Variants in SLC34A2 observed in about 807,000 individuals in gnomAD.
SLC34A2 encodes sodium-dependent phosphate transport protein 2B.
Under a neutral mutation model 50.8 loss-of-function variants are expected in SLC34A2, and 41 were observed. The observed-to-expected ratio is 0.81, with a 90% confidence interval of 0.63 to 1.05. SLC34A2 has a LOEUF of 1.05. Among genes scored for constraint, SLC34A2 ranks in the 50% least tolerant of loss-of-function variants. The pLI is 0.00. For synonymous variants in SLC34A2, 401 were observed against 364.2 expected, an observed-to-expected ratio of 1.10 and a Z score of -1.15; for missense variants, 879 against 876.7, an observed-to-expected ratio of 1.00 and a Z score of -0.03.
At chr4:25,666,101 T>TTTTG (rs370555297) in intron 4 of SLC34A2, 27 bp from the exon 5 acceptor site, 19 of 1,610,846 alleles carry the variant, frequency 1.2e-5, no homozygotes, top group East Asian at 1.1e-4. Context: ...TTGTGATTGT[T>TTTTG]TTTGTTTGTT....
At chr4:25,673,511 C>T (rs1243201115) in intron 10 of SLC34A2, among the ~76,000 whole-genome samples, 5 of 152,086 alleles carry the variant, frequency 3.3e-5, no homozygotes, top group Non-Finnish European at 7.4e-5. Flanking sequence ...GTGAGTCAGG[C>T]CTTCCTTCTT....
chr4:25,670,901 G>A, intron 8 of SLC34A2, 68 bp downstream of exon 8: 3 of 1,282,872 alleles, frequency 2.3e-6, no homozygotes, highest in Non-Finnish European at 3.4e-6. Flanking sequence ...ACTAAATCTT[G>A]CCTTCAAGGA....
chr4:25,671,864 C>A, intron 9 of SLC34A2, 143 bp downstream of exon 9: 1 of 1,175,862 alleles, frequency 8.5e-7, no homozygotes, highest in Non-Finnish European at 1.3e-6. Context: ...GAGCAACATG[C>A]TTTCACAGCA....
At chr4:25,671,937 GGAACTT>G (rs1430000132) in intron 9 of SLC34A2, among the ~76,000 whole-genome samples, 1 of 152,180 alleles carries the variant, frequency 6.6e-6, no homozygotes, top group Non-Finnish European at 1.5e-5. Flanking sequence ...GGGCAGAACT[GGAACTT>G]GAAGTCCATT....
Position 25,667,873 on chromosome 4 carries a change from C to T in SLC34A2, c.524-7C>T. The T allele has an allele frequency of 6.3e-7, 1 of 1,596,010 alleles. No individual in the cohort carries two copies. ...AAGCTTGCTAATGGTACTTTTCCAT[C>T]CTCTAGTGCTCACTGTTCGGGCTGC... On this transcript the variant is annotated splice_region_variant and splice_polypyrimidine_tract_variant and intron_variant, in intron 5 of 12. Transcript: ENST00000382051.
In SLC34A2 at chr4:25,669,044, T is replaced by TC. The variant is rs1288368196; in HGVS notation, c.636-600dup. ...GGATGCAAAATGTTTTAGCCTTGTTTCCCATGGAAACTATTCATGTTTCAT... is the reference window on the plus strand; with the variant it reads ...GGATGCAAAATGTTTTAGCCTTGTTTCCCCATGGAAACTATTCATGTTTCAT... On this transcript the variant is annotated intron_variant, in intron 6 of 12. Coordinates refer to ENST00000382051, the MANE Select transcript of SLC34A2 (RefSeq NM_006424.3). Among the ~76,000 whole-genome samples, 11 of 152,282 alleles carry TC rather than the reference T, an allele frequency of 7.2e-5. 1 individual carries two copies. The highest frequency in any genetic ancestry group is 2.0e-4 in the Admixed American group (3 of 15,294).
Position 25,676,670 on chromosome 4 carries a change from T to G in SLC34A2, c.1994T>G (p.Phe665Cys). The change falls in exon 13 of 13, where the codon TTT (phenylalanine) becomes TGT (cysteine). Residue 665 changes from phenylalanine to cysteine, a missense_variant. By Grantham distance (205) the Phe-to-Cys change is radical (BLOSUM62 -2). Coordinates refer to ENST00000382051, the MANE Select transcript of SLC34A2 (RefSeq NM_006424.3). ...QDVPVKAPET[F>C]DNITISREAQ... is the part of the protein sequence containing the mutation. ...GTCCCTGTCAAGGCTCCTGAGACCT[T>G]TGATAACATAACCATTAGCAGAGAG... 1 of 1,614,202 alleles carries G rather than the reference T, an allele frequency of 6.2e-7. No homozygotes were observed. Among genetic ancestry groups the G allele is most frequent in the Non-Finnish European group, 8.5e-7 (1 of 1,180,030 alleles).
Position 25,674,642 on chromosome 4 carries a change from G to A in SLC34A2, c.1458+13G>A, listed in dbSNP as rs1310258501. The A allele has an allele frequency of 2.5e-6, 4 of 1,614,074 alleles. No individual in the cohort carries two copies. The Admixed American group carries it at 6.7e-5, about 27-fold the overall frequency. ...GAGTTCACTCCAGGTCAGGACTTGG[G>A]GCACGGGGACAGGGGCCCTGGGAGT... On this transcript the variant is annotated intron_variant, in intron 12 of 12. Coordinates refer to ENST00000382051, the MANE Select transcript of SLC34A2 (RefSeq NM_006424.3).
intron 4 of SLC34A2, among the ~76,000 whole-genome samples, chr4:25,665,428 G>A (rs1395482314): frequency 1.3e-5 from 2 of 151,968 alleles, no homozygotes; most frequent in African/African-American, 2.4e-5. Context: ...TCCGCCTCCC[G>A]AAGTGCTGGG....
intron 10 of SLC34A2, 67 bp from the exon 11 acceptor site, chr4:25,674,229 C>T: frequency 1.6e-6 from 2 of 1,225,962 alleles, no homozygotes; most frequent in Non-Finnish European, 2.4e-6. Flanking sequence ...AGCCCAGCCC[C>T]TACCCCAGGC....
At chr4:25,672,750 G>A (rs905034711) in intron 9 of SLC34A2, among the ~76,000 whole-genome samples, 3 of 151,868 alleles carry the variant, frequency 2.0e-5, no homozygotes, top group Admixed American at 6.6e-5. Context: ...ATCCCTCAAA[G>A]CATACTTATC....
chr4:25,656,214 T>C (rs1713874670), intron 1 of SLC34A2, among the ~76,000 whole-genome samples: 1 of 152,166 alleles, frequency 6.6e-6, no homozygotes, highest in South Asian at 2.1e-4. Context: ...AATCTCCACC[T>C]AGGAATCAGG....
intron 4 of SLC34A2, among the ~76,000 whole-genome samples, chr4:25,665,460 G>C (rs937511689): frequency 6.6e-6 from 1 of 152,102 alleles, no homozygotes; most frequent in East Asian, 1.9e-4. Flanking sequence ...GAGCCACCGT[G>C]CCTGGCCTCC....
intron 12 of SLC34A2, among the ~76,000 whole-genome samples, chr4:25,675,066 C>G (rs540952086): frequency 2.6e-5 from 4 of 152,226 alleles, no homozygotes; most frequent in African/African-American, 9.6e-5. Flanking sequence ...GAGTCTCGCA[C>G]TGTAGCCCAG....
intron 6 of SLC34A2, among the ~76,000 whole-genome samples, chr4:25,668,653 A>AT (rs1280443197): frequency 2.2e-4 from 34 of 151,194 alleles, no homozygotes; most frequent in African/African-American, 7.3e-4. Flanking sequence ...AAAAAAAAAA[A>AT]AAAATAAATA....
At chr4:25,670,855 C>T (rs770465193) in intron 8 of SLC34A2, 22 bp downstream of exon 8, 70 of 1,579,702 alleles carry the variant, frequency 4.4e-5, no homozygotes, top group East Asian at 4.5e-5. Context: ...AGAATATTCC[C>T]GGGGCGGGGA....
At chr4:25,670,710 G>T in intron 7 of SLC34A2, 28 bp from the exon 8 acceptor site, 1 of 1,579,836 alleles carries the variant, frequency 6.3e-7, no homozygotes, top group Non-Finnish European at 8.7e-7. Flanking sequence ...AGGATATGCT[G>T]ATGGTTTCCT....
At chr4:25,670,261 C>T (rs1409533661) in intron 7 of SLC34A2, among the ~76,000 whole-genome samples, 2 of 152,170 alleles carry the variant, frequency 1.3e-5, no homozygotes, top group East Asian at 1.9e-4. Context: ...TCTGTAGCTG[C>T]CTCTGGAAAA....
intron 1 of SLC34A2, among the ~76,000 whole-genome samples, chr4:25,659,340 T>A (rs991001869): frequency 6.6e-6 from 1 of 152,140 alleles, no homozygotes; most frequent in Non-Finnish European, 1.5e-5. Flanking sequence ...AAACAAACAT[T>A]AGCATCTTTC....
Sources: gnomAD v4.1 joint callset for allele counts (sites outside exome capture counted in the v4.1 genomes callset) on GRCh38, gnomAD v4.1.1 for gene constraint, MANE v1.5 for transcripts, NCBI Gene and HGNC (gene_info 2026-07-23, HGNC 2026-07-21) for gene names.